GNG12: variants seen among roughly 807,000 people sequenced by gnomAD.
GNG12 encodes G protein subunit gamma 12.
For synonymous variants in GNG12, 28 were observed against 29.7 expected (o/e 0.94, Z 0.19); for missense variants, 69 against 83.8 (o/e 0.82, Z 0.69).
intron 2 of GNG12, among the ~76,000 whole-genome samples, chr1:67,745,331 G>C (rs931669242): frequency 1.3e-5 from 2 of 152,168 alleles, no homozygotes; most frequent in African/African-American, 4.8e-5. Flanking sequence ...AATACATTTG[G>C]AAGAGTCCTG....
At chr1:67,781,381 A>G (rs1646736553) in intron 1 of GNG12, among the ~76,000 whole-genome samples, 2 of 152,194 alleles carry the variant, frequency 1.3e-5, no homozygotes, top group Admixed American at 6.5e-5. Flanking sequence ...ATTGAGAGGT[A>G]TACTGAATGT....
intron 2 of GNG12, among the ~76,000 whole-genome samples, chr1:67,752,559 G>C (rs188459858): frequency 3.5e-4 from 53 of 152,280 alleles, no homozygotes; most frequent in African/African-American, 1.2e-3. Context: ...ATCCCTAATG[G>C]ATCAGCACTC....
chr1:67,789,037 G>A (rs1157445205), intron 1 of GNG12, among the ~76,000 whole-genome samples: 1 of 152,214 alleles, frequency 6.6e-6, no homozygotes, highest in African/African-American at 2.4e-5. Context: ...GCTCAGAGCT[G>A]AGGCACACAG....
rs543835383 is a variant in GNG12, at chr1:67,739,288, C to G, written c.-26-31576G>C. Among the ~76,000 whole-genome samples the G allele has an allele frequency of 5.9e-5, 9 of 152,328 alleles. No individual in the cohort carries two copies. The South Asian group carries it at 1.9e-3, about 32-fold the overall frequency. ...AAATCCTTCCTCCTGTGGCATTCGC[C>G]ATCTCTAAAATGGTAATACCATTCA... is the stretch of plus-strand genomic sequence containing the variant. On this transcript the variant is annotated intron_variant, in intron 2 of 3. Transcript: ENST00000370982.
chr1:67,769,911 G>A (rs570242231), intron 2 of GNG12, among the ~76,000 whole-genome samples: 1 of 152,314 alleles, frequency 6.6e-6, no homozygotes, highest in South Asian at 2.1e-4. Flanking sequence ...GGCTCAGAGG[G>A]AGCAGCATCT....
intron 1 of GNG12, among the ~76,000 whole-genome samples, chr1:67,801,514 TG>T (rs539371359): frequency 2.0e-5 from 3 of 152,202 alleles, no homozygotes; most frequent in Non-Finnish European, 4.4e-5. Flanking sequence ...TGGATGTTGG[TG>T]CAGTTAGTCT....
chr1:67,718,775 C>G (rs184976576), intron 2 of GNG12, among the ~76,000 whole-genome samples: 6 of 152,170 alleles, frequency 3.9e-5, no homozygotes, highest in African/African-American at 2.4e-5. Flanking sequence ...CAGTTTGGTC[C>G]TCTCTGGCTT....
At position 67,740,659 on chromosome 1, in the gene GNG12, C is replaced by T. The variant is rs140364799; in HGVS notation, c.-26-32947G>A. ...TCCCCAAAATTCATATGTTGAAATC[C>T]TAACCCCATGGTGACAGTATTAGGA... On this transcript the variant is annotated intron_variant, in intron 2 of 3. Transcript: ENST00000370982. Among the ~76,000 whole-genome samples the T allele has an allele frequency of 2.6e-3, 400 of 152,302 alleles. 1 individual carries two copies. The highest frequency in any genetic ancestry group is 9.2e-3 in the African/African-American group (384 of 41,574).
chr1:67,726,822 C>A (rs1288246355), intron 2 of GNG12, among the ~76,000 whole-genome samples: 1 of 152,198 alleles, frequency 6.6e-6, no homozygotes, highest in African/African-American at 2.4e-5. Context: ...GTGTTCTCAT[C>A]ATTCTTGTAC....
At chr1:67,769,751 T>C (rs1270334532) in intron 2 of GNG12, among the ~76,000 whole-genome samples, 1 of 152,096 alleles carries the variant, frequency 6.6e-6, no homozygotes, top group Non-Finnish European at 1.5e-5. Flanking sequence ...CAGGAAAGAA[T>C]TCCAATTTTC....
chr1:67,826,035 T>C lies in GNG12; in HGVS notation c.-77+7309A>G, dbSNP rs144545856. On this transcript the variant is annotated intron_variant, in intron 1 of 3. Transcript: ENST00000370982. The stretch of plus-strand genomic sequence containing the variant: ...CTTTTTTACATGTACCTTGCTGACA[T>C]ACCACAGAAAACATGGTTTTATTCC... Among the ~76,000 whole-genome samples, 23 of 152,356 alleles carry C rather than the reference T, an allele frequency of 1.5e-4. No individual in the cohort carries two copies. The East Asian group carries it at 4.0e-3, about 27-fold the overall frequency.
intron 1 of GNG12, among the ~76,000 whole-genome samples, chr1:67,784,788 T>C (rs1199860063): frequency 6.9e-6 from 1 of 145,944 alleles, no homozygotes; most frequent in East Asian, 2.0e-4. Flanking sequence ...TAGCATTTCA[T>C]AAATAATGTG....
intron 1 of GNG12, among the ~76,000 whole-genome samples, chr1:67,830,681 GT>G (rs1647038278): frequency 6.6e-6 from 1 of 152,184 alleles, no homozygotes; most frequent in African/African-American, 2.4e-5. Context: ...CTATGCAACT[GT>G]AACTTTAGCA....
At chr1:67,756,312 T>C (rs1401745700) in intron 2 of GNG12, among the ~76,000 whole-genome samples, 1 of 152,086 alleles carries the variant, frequency 6.6e-6, no homozygotes, top group African/African-American at 2.4e-5. Flanking sequence ...AGGTCTGTAG[T>C]TTATAAAAAG....
chr1:67,749,820 T>C (rs1348547931), intron 2 of GNG12, among the ~76,000 whole-genome samples: 1 of 152,168 alleles, frequency 6.6e-6, no homozygotes, highest in Non-Finnish European at 1.5e-5. Context: ...CCTTCTCCCT[T>C]TTGGAGACCT....
At chr1:67,775,448 C>T (rs531755829) in intron 2 of GNG12, among the ~76,000 whole-genome samples, 3 of 152,348 alleles carry the variant, frequency 2.0e-5, no homozygotes, top group Admixed American at 6.5e-5. Context: ...TTTAAGGTTC[C>T]TGGGGTCTAC....
intron 1 of GNG12, among the ~76,000 whole-genome samples, chr1:67,782,904 T>G (rs2815267): frequency 0.23 from 34,628 of 152,002 alleles, 5,051 homozygotes; most frequent in African/African-American, 0.42. Context: ...GTTTTTATGT[T>G]ACTATGGCCA....
intron 1 of GNG12, among the ~76,000 whole-genome samples, chr1:67,807,666 A>C (rs892535746): frequency 1.3e-5 from 2 of 152,056 alleles, no homozygotes; most frequent in African/African-American, 4.8e-5. Context: ...TTAAAAGGCT[A>C]ATAAGGGAAT....
At position 67,704,435 on chromosome 1, in the gene GNG12, G is replaced by C. The variant is rs140134246; in HGVS notation, c.*1016C>G. 6.6e-6 allele frequency: 1 copy of C among 152,340 alleles called. No homozygotes were observed. The highest frequency in any genetic ancestry group is 2.4e-5 in the African/African-American group (1 of 41,440). The allele number at this position is 152,340 out of a possible 1,614,324, so 9.4% of individuals were successfully genotyped here. On this transcript the variant is annotated 3_prime_UTR_variant, in exon 4 of 4. Coordinates refer to ENST00000370982, the MANE Select transcript of GNG12 (RefSeq NM_018841.6). ...AGAAGAAAGACACAGGGAAGGCAGA[G>C]AGAGCAAGACAGAGGGCTCAATCAC...
Sources: gnomAD v4.1 joint callset for allele counts (sites outside exome capture counted in the v4.1 genomes callset) on GRCh38, gnomAD v4.1.1 for gene constraint, MANE v1.5 for transcripts, NCBI Gene and HGNC (gene_info 2026-07-23, HGNC 2026-07-21) for gene names.